Variants in RFX3 observed in about 807,000 individuals in gnomAD.
The protein encoded by RFX3 is regulatory factor X3, also known as transcription factor RFX3.
RFX3 carries 14 observed loss-of-function variants against 98.6 expected under a neutral mutation model. That is an observed-to-expected ratio of 0.14 (90% CI 0.09 to 0.22). The LOEUF (loss-of-function observed/expected upper bound fraction) is 0.22, where lower values mean the gene tolerates loss of function less well. RFX3 is among the 10% of genes least tolerant of loss of function. RFX3 has a pLI of 1.00. For missense variants in RFX3, 639 were observed against 926.9 expected (o/e 0.69, Z 4.03); for synonymous variants, 383 against 328.4 (o/e 1.17, Z -1.80).
At chr9:3,410,884 G>C (rs1163952354) in intron 1 of RFX3, among the ~76,000 whole-genome samples, 1 of 152,034 alleles carries the variant, frequency 6.6e-6, no homozygotes, top group African/African-American at 2.4e-5. Flanking sequence ...GTTTTTACTA[G>C]CTCATAAGTT....
chr9:3,505,340 AATAAAATATTTTATATTTATATAAAT>A (rs1564187257), intron 1 of RFX3, among the ~76,000 whole-genome samples: 2 of 107,274 alleles, frequency 1.9e-5, no homozygotes, highest in Admixed American at 2.2e-4. Context: ...ATTTTATATA[AATAAAATATTTTATATTTATATAAAT>A]ATAAAATATT....
intron 2 of RFX3, among the ~76,000 whole-genome samples, chr9:3,370,449 C>G (rs746220694): frequency 3.3e-5 from 5 of 151,456 alleles, no homozygotes; most frequent in Non-Finnish European, 7.4e-5. Flanking sequence ...TTCAAATCTT[C>G]TATGAAGTAC....
chr9:3,424,574 A>G (rs966945921), intron 1 of RFX3, among the ~76,000 whole-genome samples: 1 of 151,314 alleles, frequency 6.6e-6, no homozygotes, highest in Non-Finnish European at 1.5e-5. Flanking sequence ...GTTAGCCGGG[A>G]TGGTCTCGAT....
intron 4 of RFX3, among the ~76,000 whole-genome samples, chr9:3,305,048 C>G (rs1310882073): frequency 1.3e-5 from 2 of 151,930 alleles, no homozygotes; most frequent in Non-Finnish European, 2.9e-5. Flanking sequence ...TCTCTGAATT[C>G]AAAACCCATG....
chr9:3,234,852 T>A (rs995324260), intron 15 of RFX3, among the ~76,000 whole-genome samples: 5 of 152,170 alleles, frequency 3.3e-5, no homozygotes, highest in African/African-American at 1.2e-4. Flanking sequence ...CAGAAAGGTA[T>A]ATAAGGACTT....
At chr9:3,385,914 A>G (rs1044311346) in intron 2 of RFX3, among the ~76,000 whole-genome samples, 3 of 152,102 alleles carry the variant, frequency 2.0e-5, no homozygotes, top group Non-Finnish European at 2.9e-5. Context: ...AAACTATTAT[A>G]TTTTATGAGG....
chr9:3,516,297 C>A (rs979457054), intron 1 of RFX3, among the ~76,000 whole-genome samples: 1 of 152,160 alleles, frequency 6.6e-6, no homozygotes, highest in Admixed American at 6.5e-5. Flanking sequence ...ATCCACCCGC[C>A]TCAGCCTCCC....
intron 1 of RFX3, among the ~76,000 whole-genome samples, chr9:3,467,837 T>C (rs922946118): frequency 6.6e-6 from 1 of 151,818 alleles, no homozygotes; most frequent in Middle Eastern, 3.2e-3. Flanking sequence ...AGACACAGAG[T>C]TGTCAACAAA....
chr9:3,314,320 GCTGAGAGA>G (rs1428604029), intron 4 of RFX3, among the ~76,000 whole-genome samples: 7 of 152,182 alleles, frequency 4.6e-5, no homozygotes, highest in Non-Finnish European at 1.0e-4. Flanking sequence ...ACAAGCAAAT[GCTGAGAGA>G]CTTTGTCACC....
chr9:3,334,606 A>G (rs757076453), intron 3 of RFX3, among the ~76,000 whole-genome samples: 1 of 151,990 alleles, frequency 6.6e-6, no homozygotes, highest in African/African-American at 2.4e-5. Flanking sequence ...TCCATAAACT[A>G]TCCCCATCAC....
chr9:3,425,206 G>A (rs960174082), intron 1 of RFX3, among the ~76,000 whole-genome samples: 9 of 152,154 alleles, frequency 5.9e-5, no homozygotes, highest in South Asian at 2.1e-4. Flanking sequence ...ACCACTGCCC[G>A]CCAGCCTGGC....
At chr9:3,312,979 A>T in intron 4 of RFX3, among the ~76,000 whole-genome samples, 1 of 152,330 alleles carries the variant, frequency 6.6e-6, no homozygotes, top group East Asian at 1.9e-4. Flanking sequence ...ACTTCTGCAG[A>T]CTTAAATGTC....
chr9:3,498,979 T>C (rs193058730), intron 1 of RFX3, among the ~76,000 whole-genome samples: 46 of 152,212 alleles, frequency 3.0e-4, no homozygotes, highest in African/African-American at 5.1e-4. Context: ...TCAGGAGTGA[T>C]TGGCCTACAA....
intron 1 of RFX3, among the ~76,000 whole-genome samples, chr9:3,419,229 C>A (rs1200227316): frequency 6.6e-6 from 1 of 151,932 alleles, no homozygotes; most frequent in African/African-American, 2.4e-5. Context: ...CATACATTAC[C>A]AAAAGCACAA....
intron 1 of RFX3, among the ~76,000 whole-genome samples, chr9:3,412,960 T>A (rs1842582296): frequency 6.6e-6 from 1 of 152,132 alleles, no homozygotes; most frequent in South Asian, 2.1e-4. Context: ...AAAATAAGAT[T>A]CTAATATGTT....
At chr9:3,507,982 G>C (rs748065600) in intron 1 of RFX3, among the ~76,000 whole-genome samples, 12 of 147,676 alleles carry the variant, frequency 8.1e-5, no homozygotes, top group Non-Finnish European at 1.3e-4. Context: ...AAAGACTGTG[G>C]TTGTTCTGTG....
intron 3 of RFX3, among the ~76,000 whole-genome samples, chr9:3,339,407 C>T (rs924056769): frequency 1.3e-5 from 2 of 149,616 alleles, no homozygotes; most frequent in African/African-American, 2.6e-5. Flanking sequence ...AGTAACCACA[C>T]ACATGTACGT....
intron 1 of RFX3, among the ~76,000 whole-genome samples, chr9:3,457,694 C>T (rs940295428): frequency 6.6e-6 from 1 of 152,068 alleles, no homozygotes; most frequent in Non-Finnish European, 1.5e-5. Context: ...GTATTTGTGT[C>T]CCAACCTTTT....
rs374334524 is a variant in RFX3 at position 3,472,162 on chromosome 9, G to C, written c.-9+53585C>G. On this transcript the variant is annotated intron_variant, in intron 1 of 16. Transcript: ENST00000617270. ...GAAAGGTCACTGTTGTCAAGTTATTGAATGTTATCTCTGGAATTGACAGGA... is the reference window on the plus strand; with the variant it reads ...GAAAGGTCACTGTTGTCAAGTTATTCAATGTTATCTCTGGAATTGACAGGA... Among the ~76,000 whole-genome samples the C allele has an allele frequency of 7.0e-4, 106 of 152,278 alleles. No individual in the cohort carries two copies. The South Asian group carries it at 0.021, about 30-fold the overall frequency.
Sources: gnomAD v4.1 joint callset for allele counts (sites outside exome capture counted in the v4.1 genomes callset) on GRCh38, gnomAD v4.1.1 for gene constraint, MANE v1.5 for transcripts, NCBI Gene and HGNC (gene_info 2026-07-23, HGNC 2026-07-21) for gene names.